Variants in APPL2 observed in about 807,000 individuals in gnomAD.
APPL2 encodes DCC-interacting protein 13-beta.
A neutral mutation model predicts 92.7 loss-of-function variants in APPL2; 84 were observed. The ratio of observed to expected loss-of-function variants is 0.91; its 90% CI spans 0.76 to 1.09. APPL2 has a LOEUF of 1.09. APPL2 is among the 50% of genes least tolerant of loss of function. APPL2 has a pLI of 0.00. For missense variants in APPL2, 736 were observed against 824.5 expected (o/e 0.89, Z 1.31); for synonymous variants, 291 against 291.0 (o/e 1.00, Z 0.00).
chr12:105,181,429 A>G (rs190527285), intron 17 of APPL2, among the ~76,000 whole-genome samples: 131 of 151,794 alleles, frequency 8.6e-4, no homozygotes, highest in African/African-American at 3.0e-3. Context: ...GTGTTTTTTT[A>G]TTGTGTCTCT....
At chr12:105,211,189 A>G (rs750265402) in intron 5 of APPL2, 41 bp downstream of exon 5, 2 of 1,328,688 alleles carry the variant, frequency 1.5e-6, no homozygotes, top group South Asian at 2.4e-5. Context: ...TGCATTACAC[A>G]ATATTTTGAA....
intron 11 of APPL2, among the ~76,000 whole-genome samples, chr12:105,197,136 A>G (rs373915382): frequency 3.2e-4 from 49 of 152,220 alleles, no homozygotes; most frequent in Middle Eastern, 3.4e-3. Context: ...AAGCCCCTCC[A>G]TGGGACCCTG....
chr12:105,176,672 A>C, intron 19 of APPL2: 2 of 600,020 alleles, frequency 3.3e-6, no homozygotes, highest in East Asian at 2.9e-5. Flanking sequence ...CATTCACCCT[A>C]TTCTGGTTGA....
intron 4 of APPL2, among the ~76,000 whole-genome samples, chr12:105,214,933 G>T (rs1889552339): frequency 6.6e-6 from 1 of 152,194 alleles, no homozygotes; most frequent in African/African-American, 2.4e-5. Flanking sequence ...AGAGCTTCCA[G>T]GTCATTAAAA....
At position 105,176,751 on chromosome 12, in the gene APPL2, T is replaced by A. The variant is rs1885583997; in HGVS notation, c.1812+125A>T. On this transcript the variant is annotated intron_variant, in intron 19 of 20. Coordinates refer to ENST00000258530, the MANE Select transcript of APPL2 (RefSeq NM_018171.5). Reference sequence around the variant, plus strand: ...TGAGGCCTTCTTAGGAGGTATTATCTGAACTCCTGGATGGAGACATGCAGA... The same window carrying A: ...TGAGGCCTTCTTAGGAGGTATTATCAGAACTCCTGGATGGAGACATGCAGA... 3.1e-6 allele frequency: 4 copies of A among 1,280,576 alleles called. No homozygotes were observed. In the South Asian group the frequency reaches 6.1e-5, roughly 19 times the overall value. The allele number at this position is 1,280,576 out of a possible 1,614,324, so 79.3% of individuals were successfully genotyped here. A position where few individuals can be genotyped will look rare whatever the true frequency, so the allele number is the denominator to read the frequency against.
chr12:105,175,487 T>A (rs1460067256), intron 20 of APPL2, among the ~76,000 whole-genome samples: 2 of 152,248 alleles, frequency 1.3e-5, no homozygotes, highest in Non-Finnish European at 2.9e-5. Flanking sequence ...TGTGCAGATA[T>A]AAATCATTTC....
At chr12:105,216,570 A>G (rs1303726626) in intron 4 of APPL2, among the ~76,000 whole-genome samples, 1 of 152,146 alleles carries the variant, frequency 6.6e-6, no homozygotes, top group Non-Finnish European at 1.5e-5. Context: ...GAGGAAAAAC[A>G]TGGGGGGTAG....
At chr12:105,224,156 G>T (rs1194329545) in intron 2 of APPL2, among the ~76,000 whole-genome samples, 1 of 152,188 alleles carries the variant, frequency 6.6e-6, no homozygotes, top group East Asian at 1.9e-4. Context: ...CCAGGTCTAA[G>T]AAGTCATTAC....
chr12:105,195,261 C>G lies in APPL2; in HGVS notation c.1241G>C (p.Ser414Thr), dbSNP rs1356740178. Residue 414 changes from serine to threonine, a missense_variant and splice_region_variant, in exon 14 of 21, where the codon AGC becomes ACC. By Grantham distance (58) the Ser-to-Thr change is moderately conservative. Coordinates refer to ENST00000258530, the MANE Select transcript of APPL2 (RefSeq NM_018171.5). ...FGKKQESSCP[S>T]QNLKNSEMEN... ...TAGTTTTTCTTTGTCCTTTAGTTAC[C>G]TGGGGCATGAGCTTTCTTGTTTTTT... 3.1e-6 allele frequency: 5 copies of G among 1,614,102 alleles called. No homozygotes were observed. In the East Asian group the frequency reaches 8.9e-5, roughly 29 times the overall value.
chr12:105,179,796 ATCCTTCACCCACTTTTT>A (rs1885930471), intron 17 of APPL2, among the ~76,000 whole-genome samples: 6 of 152,116 alleles, frequency 3.9e-5, no homozygotes, highest in Non-Finnish European at 5.9e-5. Flanking sequence ...GTCTGTTCAT[ATCCTTCACCCACTTTTT>A]GACGGGGTTG....
At chr12:105,177,961 T>C (rs2135884704) in intron 17 of APPL2, among the ~76,000 whole-genome samples, 1 of 152,226 alleles carries the variant, frequency 6.6e-6, no homozygotes, top group East Asian at 1.9e-4. Flanking sequence ...TGGCTAATTT[T>C]TGTATTTTTA....
chr12:105,200,123 C>T (rs1251254105), intron 9 of APPL2, among the ~76,000 whole-genome samples: 1 of 152,124 alleles, frequency 6.6e-6, no homozygotes, highest in African/African-American at 2.4e-5. Context: ...CGTGAGCCAC[C>T]GCGCCCGGCT....
intron 17 of APPL2, among the ~76,000 whole-genome samples, chr12:105,182,825 C>G (rs1886237436): frequency 6.6e-6 from 1 of 152,084 alleles, no homozygotes; most frequent in Non-Finnish European, 1.5e-5. Flanking sequence ...AATTTTCTGT[C>G]TTGTTGATCT....
chr12:105,211,809 A>G (rs1889245525), intron 4 of APPL2, among the ~76,000 whole-genome samples: 1 of 152,212 alleles, frequency 6.6e-6, no homozygotes, highest in Admixed American at 6.5e-5. Flanking sequence ...TGGGCCTGGA[A>G]GTGACTCTGG....
chr12:105,194,416 C>T (rs1165699980), intron 14 of APPL2, among the ~76,000 whole-genome samples: 4 of 152,176 alleles, frequency 2.6e-5, no homozygotes, highest in South Asian at 2.1e-4. Flanking sequence ...ATGGGCCAGG[C>T]GCAGTGGCTC....
intron 17 of APPL2, 74 bp downstream of exon 17, chr12:105,188,199 C>T: frequency 6.6e-7 from 1 of 1,510,188 alleles, no homozygotes; most frequent in South Asian, 1.2e-5. Flanking sequence ...ACTAACATTT[C>T]AGATGGGTGC....
intron 20 of APPL2, 76 bp from the exon 21 acceptor site, chr12:105,174,524 A>G (rs1885295954): frequency 2.0e-6 from 3 of 1,489,254 alleles, no homozygotes; most frequent in Non-Finnish European, 2.7e-6. Context: ...CTGGCTTTCA[A>G]TATGTTCTGT....
At chr12:105,230,205 A>G (rs1056504282) in intron 1 of APPL2, among the ~76,000 whole-genome samples, 1 of 152,216 alleles carries the variant, frequency 6.6e-6, no homozygotes, top group African/African-American at 2.4e-5. Context: ...TAAGAATGCT[A>G]GTTTACCGTT....
In APPL2 at chr12:105,217,128, CA is replaced by C. The variant is rs1255940003; in HGVS notation, c.225del (p.Gly76AlafsTer7). Reference protein sequence around the residue: ...LLAYEKQNFALGKGDEEVIST... With the variant: ...LLAYEKQNFAXGKGDEEVIST... ...GAAATTACTTCTTCATCACCTTTGC[CA>C]AGAGCAAAGTTCTAAGACCAAAGAA... On this transcript the variant is annotated frameshift_variant, in exon 4 of 21. Coordinates refer to ENST00000258530, the MANE Select transcript of APPL2 (RefSeq NM_018171.5). LOFTEE classifies it high-confidence loss of function. 1.2e-6 allele frequency: 2 copies of C among 1,608,900 alleles called. No homozygotes were observed. The highest frequency in any genetic ancestry group is 1.7e-6 in the Non-Finnish European group (2 of 1,176,984).
Sources: allele counts gnomAD v4.1 joint callset (sites outside exome capture counted in the v4.1 genomes callset), GRCh38; gene constraint gnomAD v4.1.1; transcripts MANE v1.5; gene names NCBI Gene and HGNC (gene_info 2026-07-23, HGNC 2026-07-21).